The following RSPO2 variants were observed in gnomAD, a reference collection of about 807,000 sequenced individuals.
The protein encoded by RSPO2 is R-spondin-2.
RSPO2 carries 14 observed loss-of-function variants against 30.9 expected under a neutral mutation model. The ratio of observed to expected loss-of-function variants is 0.45; its 90% confidence interval spans 0.30 to 0.71. The LOEUF (loss-of-function observed/expected upper bound fraction) is 0.71. RSPO2 is among the 30% of genes least tolerant of loss of function. The pLI is 0.08. For missense variants in RSPO2, 264 were observed against 301.9 expected (o/e 0.87, Z 0.93); for synonymous variants, 107 against 96.4 (o/e 1.11, Z -0.64).
chr8:107,979,360 G>T (rs1018938502), intron 3 of RSPO2, among the ~76,000 whole-genome samples: 10 of 152,170 alleles, frequency 6.6e-5, no homozygotes, highest in Non-Finnish European at 7.3e-5. Context: ...CATAAAAAAG[G>T]ATGAGTTCAT....
intron 3 of RSPO2, among the ~76,000 whole-genome samples, chr8:107,975,107 G>A (rs993083910): frequency 6.6e-6 from 1 of 152,100 alleles, no homozygotes; most frequent in Non-Finnish European, 1.5e-5. Flanking sequence ...ATTGAAAAGG[G>A]CTGTCCCATG....
intron 5 of RSPO2, among the ~76,000 whole-genome samples, chr8:107,910,501 C>A (rs1811788176): frequency 6.6e-6 from 1 of 152,098 alleles, no homozygotes; most frequent in Admixed American, 6.5e-5. Context: ...CCACCATACT[C>A]CAGCCTGGGT....
At chr8:108,048,899 T>G (rs35844553) in intron 2 of RSPO2, among the ~76,000 whole-genome samples, 2,006 of 152,326 alleles carry the variant, frequency 0.013, 20 homozygotes, top group South Asian at 0.026. Flanking sequence ...AAAGAACATC[T>G]TTATTTCTGC....
intron 5 of RSPO2, among the ~76,000 whole-genome samples, chr8:107,948,665 C>T (rs1010928679): frequency 5.9e-5 from 9 of 152,078 alleles, no homozygotes; most frequent in African/African-American, 2.2e-4. Flanking sequence ...CAAGACCATC[C>T]TGGCTAACAC....
chr8:107,983,633 C>T (rs1205133963), intron 3 of RSPO2: 21 of 1,596,648 alleles, frequency 1.3e-5, no homozygotes, highest in Admixed American at 1.7e-5. Context: ...GAGCAGGCAA[C>T]CAAAATTGCA....
chr8:108,051,391 A>T (rs1056246931), intron 2 of RSPO2, among the ~76,000 whole-genome samples: 1 of 152,178 alleles, frequency 6.6e-6, no homozygotes, highest in Non-Finnish European at 1.5e-5. Context: ...CAGCAGGGGG[A>T]AAAAACGGCT....
chr8:107,973,893 T>C (rs1814110594), intron 3 of RSPO2, among the ~76,000 whole-genome samples: 1 of 152,200 alleles, frequency 6.6e-6, no homozygotes, highest in Non-Finnish European at 1.5e-5. Context: ...ACTTGTGTTT[T>C]CCTTTCCTAA....
At chr8:108,000,391 T>A (rs557575409) in intron 2 of RSPO2, among the ~76,000 whole-genome samples, 1 of 152,244 alleles carries the variant, frequency 6.6e-6, no homozygotes, top group Admixed American at 6.5e-5. Context: ...AAGCAGCACA[T>A]GTGGCTTGTG....
chr8:107,939,573 G>T (rs1158035965), intron 5 of RSPO2, among the ~76,000 whole-genome samples: 6 of 147,886 alleles, frequency 4.1e-5, no homozygotes, highest in African/African-American at 1.3e-4. Context: ...AAGAATATTT[G>T]CAAGAGCACA....
intron 2 of RSPO2, among the ~76,000 whole-genome samples, chr8:108,003,814 C>A (rs1243437340): frequency 1.3e-5 from 2 of 152,044 alleles, no homozygotes; most frequent in Non-Finnish European, 2.9e-5. Context: ...TTTAAAAAAT[C>A]TTTCCAAGAT....
In RSPO2 at chr8:107,953,639, C is replaced by T. The variant is rs376910963; in HGVS notation, c.616+4441G>A. On this transcript the variant is annotated intron_variant, in intron 5 of 5. Transcript: ENST00000276659. ...TATCATAAAGACCAAGGAAAAAGCA[C>T]AGGAAAACAGGTTTCCTAAGCAGCA... 4.3e-4 allele frequency among the ~76,000 whole-genome samples: 65 copies of T among 152,218 alleles called. No individual in the cohort carries two copies. In the South Asian group the frequency reaches 0.012, roughly 29 times the overall value.
chr8:108,022,248 C>CA (rs1811081947), intron 2 of RSPO2, among the ~76,000 whole-genome samples: 1 of 152,078 alleles, frequency 6.6e-6, no homozygotes, highest in Non-Finnish European at 1.5e-5. Flanking sequence ...TATCTCATAA[C>CA]GTCTTTCTCT....
chr8:107,983,197 G>A lies in RSPO2; in HGVS notation c.283+5859C>T, dbSNP rs1028713979. The A allele has an allele frequency of 2.9e-5, 46 of 1,566,352 alleles. No homozygotes were observed. In the African/African-American group the frequency reaches 4.4e-4, roughly 15 times the overall value. ...CCGTTTATTAGCTGTAGGCAAATACGAAGAGGCTATTTCTTGTCACAAAAA... is the reference window on the plus strand; with the variant it reads ...CCGTTTATTAGCTGTAGGCAAATACAAAGAGGCTATTTCTTGTCACAAAAA... On this transcript the variant is annotated intron_variant, in intron 3 of 5. Coordinates refer to ENST00000276659, the MANE Select transcript of RSPO2 (RefSeq NM_178565.5).
chr8:107,988,970 T>TA (rs894761775), intron 3 of RSPO2, 86 bp downstream of exon 3: 112 of 1,258,630 alleles, frequency 8.9e-5, no homozygotes, highest in Middle Eastern at 2.7e-4. Context: ...ACATTTTTTT[T>TA]AAAAAAATCA....
At chr8:107,956,322 T>C (rs142240996) in intron 5 of RSPO2, among the ~76,000 whole-genome samples, 2 of 152,322 alleles carry the variant, frequency 1.3e-5, no homozygotes, top group African/African-American at 2.4e-5. Flanking sequence ...GAGCTATAGC[T>C]AGTCTTTCCT....
At chr8:108,004,843 A>G (rs1358990483) in intron 2 of RSPO2, among the ~76,000 whole-genome samples, 3 of 152,208 alleles carry the variant, frequency 2.0e-5, no homozygotes, top group Non-Finnish European at 4.4e-5. Flanking sequence ...ATTTCCAAAA[A>G]CAAAGACATT....
At chr8:108,067,247 A>G (rs1812700394) in intron 2 of RSPO2, among the ~76,000 whole-genome samples, 1 of 152,224 alleles carries the variant, frequency 6.6e-6, no homozygotes, top group Non-Finnish European at 1.5e-5. Flanking sequence ...CACTGTATAA[A>G]GACATTTTTG....
intron 3 of RSPO2, chr8:107,983,188 G>A (rs1563549966): frequency 3.7e-5 from 58 of 1,557,660 alleles, no homozygotes; most frequent in Admixed American, 7.2e-5. Context: ...ATTAGCTGTA[G>A]GCAAATACGA....
At chr8:108,019,097 A>G (rs1810980845) in intron 2 of RSPO2, among the ~76,000 whole-genome samples, 1 of 152,202 alleles carries the variant, frequency 6.6e-6, no homozygotes, top group African/African-American at 2.4e-5. Flanking sequence ...AGTTTAGTAA[A>G]ATGAATTCTA....
Sources: gnomAD v4.1 joint callset for allele counts (sites outside exome capture counted in the v4.1 genomes callset) on GRCh38, gnomAD v4.1.1 for gene constraint, MANE v1.5 for transcripts, NCBI Gene and HGNC (gene_info 2026-07-23, HGNC 2026-07-21) for gene names.